VWA3B: variants seen among roughly 807,000 people sequenced by gnomAD.
VWA3B encodes the protein von Willebrand factor A domain-containing protein 3B.
In VWA3B, 138 loss-of-function variants were observed where a neutral mutation model predicts 158.3. The observed-to-expected ratio is 0.87, with a 90% CI of 0.76 to 1.00. The LOEUF (loss-of-function observed/expected upper bound fraction) is 1.00, where lower values mean the gene tolerates loss of function less well. Ranked by LOEUF, VWA3B falls within the 50% of genes least tolerant of loss-of-function variation. VWA3B has a pLI of 0.00. For synonymous variants in VWA3B, 596 were observed against 587.3 expected (o/e 1.01, Z -0.21); for missense variants, 1,555 against 1,565.1 (o/e 0.99, Z 0.11).
chr2:98,142,931 A>G (rs982289686), intron 7 of VWA3B, among the ~76,000 whole-genome samples: 6 of 152,212 alleles, frequency 3.9e-5, no homozygotes, highest in Non-Finnish European at 7.3e-5. Flanking sequence ...TACAATACAC[A>G]CTAGATTCCA....
At chr2:98,157,908 C>G (rs751608892) in intron 7 of VWA3B, among the ~76,000 whole-genome samples, 1 of 152,226 alleles carries the variant, frequency 6.6e-6, no homozygotes, top group Non-Finnish European at 1.5e-5. Context: ...AGCACCGCAC[C>G]TGCCTATCTT....
rs118119778 is a variant in VWA3B at position 98,278,993 on chromosome 2, A to G, written c.3045+8110A>G. Among the ~76,000 whole-genome samples, 291 of 152,316 alleles carry G rather than the reference A, an allele frequency of 1.9e-3. 7 individuals carry two copies. In the East Asian group the frequency reaches 0.049, roughly 26 times the overall value. ...TCAGACCATGCCGTCCTCAGACAGC[A>G]CTGCAGTGATGGTTTAGCATCTGGA... is the stretch of plus-strand genomic sequence containing the variant. On this transcript the variant is annotated intron_variant, in intron 22 of 27. Coordinates refer to ENST00000477737, the MANE Select transcript of VWA3B (RefSeq NM_144992.5).
At chr2:98,128,218 G>T in intron 5 of VWA3B, 21 bp from the exon 6 acceptor site, 1 of 1,612,426 alleles carries the variant, frequency 6.2e-7, no homozygotes, top group Non-Finnish European at 8.5e-7. Flanking sequence ...GAGATAAACC[G>T]TTGGCACCAC....
chr2:98,130,221 G>A (rs1472536627), intron 6 of VWA3B, among the ~76,000 whole-genome samples: 1 of 152,250 alleles, frequency 6.6e-6, no homozygotes, highest in African/African-American at 2.4e-5. Flanking sequence ...TTAAAGAGCA[G>A]TATTGCTGCC....
At chr2:98,202,076 G>A (rs865913676) in intron 12 of VWA3B, among the ~76,000 whole-genome samples, 6 of 152,088 alleles carry the variant, frequency 3.9e-5, no homozygotes, top group Non-Finnish European at 5.9e-5. Flanking sequence ...AAAAAAGGTT[G>A]TACAGAATTG....
At chr2:98,160,007 T>TA (rs201978512) in intron 7 of VWA3B, among the ~76,000 whole-genome samples, 46,022 of 138,170 alleles carry the variant, frequency 0.33, 8,835 homozygotes, top group East Asian at 0.63. Flanking sequence ...AAGAATCCAT[T>TA]AAAAAAAAAA....
At chr2:98,283,435 C>T (rs566101380) in intron 22 of VWA3B, among the ~76,000 whole-genome samples, 1 of 152,342 alleles carries the variant, frequency 6.6e-6, no homozygotes, top group African/African-American at 2.4e-5. Flanking sequence ...AGGCTTTAAA[C>T]TTTATGGAAA....
rs1183328518 is a variant in VWA3B, at chr2:98,262,464, C to A, written c.2843+6290C>A. Among the ~76,000 whole-genome samples the A allele has an allele frequency of 2.0e-5, 3 of 151,756 alleles. No homozygotes were observed. In the East Asian group the frequency reaches 5.8e-4, roughly 29 times the overall value. The stretch of plus-strand genomic sequence containing the variant: ...TTTATATATGTTTTAAACCAAGAGT[C>A]CAACTTCATTCTTTTGCATATGGAT... On this transcript the variant is annotated intron_variant, in intron 21 of 27. Coordinates refer to ENST00000477737, the MANE Select transcript of VWA3B (RefSeq NM_144992.5).
At chr2:98,200,947 C>T (rs539823593) in intron 12 of VWA3B, among the ~76,000 whole-genome samples, 18 of 152,272 alleles carry the variant, frequency 1.2e-4, no homozygotes, top group East Asian at 3.9e-4. Flanking sequence ...TGACTATATC[C>T]GTGTGGGTCT....
At chr2:98,242,133 G>A (rs1291031077) in intron 19 of VWA3B, 11 of 425,100 alleles carry the variant, frequency 2.6e-5, no homozygotes, top group East Asian at 1.4e-4. Flanking sequence ...TTCTGTGCAC[G>A]GCCACATCTG....
At chr2:98,320,255 C>T in the VWA3B span, among the ~76,000 whole-genome samples, 1 of 152,204 alleles carries the variant, frequency 6.6e-6, no homozygotes, top group African/African-American at 2.4e-5. Flanking sequence ...TTACCTTCCA[C>T]CGTGATTGTG....
Position 98,119,537 on chromosome 2 carries a change from T to C in VWA3B, c.316T>C (p.Tyr106His). 6.2e-7 allele frequency: 1 copy of C among 1,614,032 alleles called. No individual in the cohort carries two copies. The highest frequency in any genetic ancestry group is 8.5e-7 in the Non-Finnish European group (1 of 1,180,024). Residue 106 changes from tyrosine (Y) to histidine (H), a missense_variant, in exon 4 of 28, where the codon TAT becomes CAT. Transcript: ENST00000477737. ...YNLTAKSELIYQFVEHLTQAV... is the reference protein window; with the variant it reads ...YNLTAKSELIHQFVEHLTQAV... ...GCTGACAGCTAAATCAGAACTGATT[T>C]ATCAGTTTGTGGAACATTTAACACA...
chr2:98,320,812 G>A, the VWA3B span, among the ~76,000 whole-genome samples: 1 of 152,196 alleles, frequency 6.6e-6, no homozygotes, highest in Non-Finnish European at 1.5e-5. Context: ...TGCAATAGGA[G>A]AGAAAACGCC....
At chr2:98,153,834 G>C (rs142616904) in intron 7 of VWA3B, among the ~76,000 whole-genome samples, 5 of 152,294 alleles carry the variant, frequency 3.3e-5, no homozygotes, top group South Asian at 2.1e-4. Context: ...CCTGCCCCTT[G>C]TAACAGTGGG....
At chr2:98,256,595 G>A (rs1001039696) in intron 21 of VWA3B, among the ~76,000 whole-genome samples, 3 of 152,098 alleles carry the variant, frequency 2.0e-5, no homozygotes, top group African/African-American at 4.8e-5. Context: ...TTCCACTGAC[G>A]GGCATTTGGG....
rs1373846803 is a variant in VWA3B at position 98,219,782 on chromosome 2, T to C, written c.2019+1754T>C. 2.6e-5 allele frequency among the ~76,000 whole-genome samples: 4 copies of C among 152,148 alleles called. 1 individual carries two copies. The East Asian group carries it at 7.7e-4, about 29-fold the overall frequency. The stretch of plus-strand genomic sequence containing the variant: ...CAAGTGAGGAGACAGTGGAGAAACA[T>C]GTTTAAAATACTGAGAGACTGTCCA... On this transcript the variant is annotated intron_variant, in intron 14 of 27. Transcript: ENST00000477737.
intron 8 of VWA3B, among the ~76,000 whole-genome samples, chr2:98,180,465 T>G (rs928793473): frequency 1.2e-4 from 19 of 152,248 alleles, no homozygotes; most frequent in African/African-American, 4.6e-4. Flanking sequence ...GTGTTGGGAT[T>G]ATTGGCGTGA....
chr2:98,303,882 G>T, intron 26 of VWA3B, 80 bp downstream of exon 26: 1 of 1,365,228 alleles, frequency 7.3e-7, no homozygotes, highest in Non-Finnish European at 1.0e-6. Context: ...TGAGATCCAT[G>T]ACCTCTAAAT....
At chr2:98,280,900 C>T (rs1161357275) in intron 22 of VWA3B, among the ~76,000 whole-genome samples, 1 of 152,234 alleles carries the variant, frequency 6.6e-6, no homozygotes, top group Non-Finnish European at 1.5e-5. Flanking sequence ...TACTTGATAG[C>T]AGCTCACAAG....
Sources: allele counts gnomAD v4.1 joint callset (sites outside exome capture counted in the v4.1 genomes callset), GRCh38; gene constraint gnomAD v4.1.1; transcripts MANE v1.5; gene names NCBI Gene and HGNC (gene_info 2026-07-23, HGNC 2026-07-21).